Variants in TYW1 observed in about 807,000 individuals in gnomAD.
The protein encoded by TYW1 is tRNA-yW synthesizing protein 1 homolog.
A neutral mutation model predicts 96.2 loss-of-function variants in TYW1; 46 were observed. The observed-to-expected ratio is 0.48, with a 90% CI of 0.38 to 0.61. The LOEUF (loss-of-function observed/expected upper bound fraction) is 0.61. Ranked by LOEUF, TYW1 falls within the 20% of genes least tolerant of loss-of-function variation. The probability of loss-of-function intolerance (pLI) is 0.00; values close to 1 mark genes in which losing one functional copy is unlikely to be tolerated. For missense variants in TYW1, 684 were observed against 909.6 expected, an observed-to-expected ratio of 0.75 and a Z score of 3.19; for synonymous variants, 274 against 323.0, an observed-to-expected ratio of 0.85 and a Z score of 1.63.
intron 6 of TYW1, among the ~76,000 whole-genome samples, chr7:67,024,504 G>A (rs912121885): frequency 9.2e-5 from 14 of 151,992 alleles, no homozygotes; most frequent in Admixed American, 2.0e-4. Context: ...ATAGACAGCC[G>A]AGCACTGTCG....
At chr7:67,191,678 T>A (rs1800223292) in intron 14 of TYW1, among the ~76,000 whole-genome samples, 1 of 149,798 alleles carries the variant, frequency 6.7e-6, no homozygotes, top group African/African-American at 2.5e-5. Flanking sequence ...GAGGGTAGGA[T>A]GAAGTGGGGC....
At chr7:67,108,655 T>C (rs185506592) in intron 12 of TYW1, among the ~76,000 whole-genome samples, 3 of 152,014 alleles carry the variant, frequency 2.0e-5, no homozygotes, top group Admixed American at 2.0e-4. Context: ...TTGGCCAGGC[T>C]GGTCTCGAAC....
intron 7 of TYW1, among the ~76,000 whole-genome samples, chr7:67,040,447 A>T (rs1158072253): frequency 6.6e-6 from 1 of 151,968 alleles, no homozygotes; most frequent in African/African-American, 2.4e-5. Context: ...ATGACTCTTA[A>T]TTAAAAATCT....
chr7:67,133,062 G>T (rs972416966), intron 13 of TYW1, among the ~76,000 whole-genome samples: 1 of 152,182 alleles, frequency 6.6e-6, no homozygotes, highest in African/African-American at 2.4e-5. Flanking sequence ...TGTCCTACGT[G>T]ATTATACTTA....
chr7:67,203,574 C>A (rs1474287054), intron 15 of TYW1, among the ~76,000 whole-genome samples: 3 of 152,302 alleles, frequency 2.0e-5, no homozygotes, highest in East Asian at 3.9e-4. Flanking sequence ...CTTTTCCCTC[C>A]CTTACTTAGA....
At chr7:67,005,099 T>C (rs1010728988) in intron 3 of TYW1, among the ~76,000 whole-genome samples, 1 of 152,080 alleles carries the variant, frequency 6.6e-6, no homozygotes, top group African/African-American at 2.4e-5. Flanking sequence ...GGCCCCAATC[T>C]CTTCTGGATT....
At chr7:67,071,831 A>AG (rs1402732490) in intron 10 of TYW1, among the ~76,000 whole-genome samples, 1 of 152,144 alleles carries the variant, frequency 6.6e-6, no homozygotes, top group Non-Finnish European at 1.5e-5. Flanking sequence ...GGTGTTAGCC[A>AG]GACTGGTCTC....
intron 13 of TYW1, among the ~76,000 whole-genome samples, chr7:67,131,794 G>T (rs1303942768): frequency 6.6e-6 from 1 of 152,190 alleles, no homozygotes; most frequent in Non-Finnish European, 1.5e-5. Context: ...CAAAAGGCCT[G>T]AGAGCCCCTG....
intron 9 of TYW1, among the ~76,000 whole-genome samples, chr7:67,058,117 G>A (rs573959406): frequency 1.4e-4 from 21 of 152,166 alleles, no homozygotes; most frequent in African/African-American, 4.6e-4. Flanking sequence ...TGTATTTTTA[G>A]TAGAGACAGG....
chr7:67,217,393 C>G lies in TYW1; in HGVS notation c.1978-20915C>G, dbSNP rs531598604. ...TTCTAAGAGTCTTATAGTTTTAAGTCTTATGTTTAGGTCTTTGATCCATTT... is the reference window on the plus strand; with the variant it reads ...TTCTAAGAGTCTTATAGTTTTAAGTGTTATGTTTAGGTCTTTGATCCATTT... On this transcript the variant is annotated intron_variant, in intron 15 of 15. Coordinates refer to ENST00000359626, the MANE Select transcript of TYW1 (RefSeq NM_018264.4). 9.2e-5 allele frequency among the ~76,000 whole-genome samples: 14 copies of G among 152,086 alleles called. No homozygotes were observed. The South Asian group carries it at 2.9e-3, about 32-fold the overall frequency.
At chr7:67,136,900 G>T (rs1035493163) in intron 13 of TYW1, among the ~76,000 whole-genome samples, 3 of 151,832 alleles carry the variant, frequency 2.0e-5, no homozygotes, top group Admixed American at 6.6e-5. Context: ...TCGGCTCACC[G>T]CAACCTCTGC....
intron 7 of TYW1, among the ~76,000 whole-genome samples, chr7:67,025,989 C>T (rs1482315009): frequency 6.6e-6 from 1 of 152,090 alleles, no homozygotes; most frequent in Non-Finnish European, 1.5e-5. Context: ...TATTTCCAAA[C>T]AATAGCCAGT....
chr7:67,012,913 A>G (rs1160279721), intron 4 of TYW1, among the ~76,000 whole-genome samples: 1 of 150,424 alleles, frequency 6.6e-6, no homozygotes, highest in African/African-American at 2.5e-5. Context: ...ACCAAAACAG[A>G]AAAAAACCTC....
At chr7:67,097,858 A>ATTT (rs35746199) in intron 11 of TYW1, among the ~76,000 whole-genome samples, 1 of 140,570 alleles carries the variant, frequency 7.1e-6, no homozygotes, top group Non-Finnish European at 1.5e-5. Flanking sequence ...ATGCCCAGCT[A>ATTT]TTTTTTTTTT....
Position 67,236,215 on chromosome 7 carries a change from TGA to T in TYW1, c.1978-2089_1978-2088del, listed in dbSNP as rs142214047. Among the ~76,000 whole-genome samples, 995 of 152,278 alleles carry T rather than the reference TGA, an allele frequency of 6.5e-3. 8 individuals carry two copies. The highest frequency in any genetic ancestry group is 0.022 in the African/African-American group (928 of 41,556). On this transcript the variant is annotated intron_variant, in intron 15 of 15. Coordinates refer to ENST00000359626, the MANE Select transcript of TYW1 (RefSeq NM_018264.4). The stretch of plus-strand genomic sequence containing the variant: ...CAGAGGGAACAGCTTGGGCGTCACG[TGA>T]GAGGACCACAGCTCACCAAGAGATG...
At chr7:67,183,605 G>C (rs781553620) in intron 14 of TYW1, among the ~76,000 whole-genome samples, 3 of 152,124 alleles carry the variant, frequency 2.0e-5, no homozygotes, top group Admixed American at 1.3e-4. Context: ...CGGAAGTAGA[G>C]AGATTGGTCT....
intron 13 of TYW1, among the ~76,000 whole-genome samples, chr7:67,148,031 G>A (rs1479432329): frequency 6.6e-6 from 1 of 151,910 alleles, no homozygotes; most frequent in African/African-American, 2.4e-5. Context: ...TGGTGGAGAT[G>A]GACGGCAGAT....
At chr7:67,035,764 A>G (rs752049273) in intron 7 of TYW1, among the ~76,000 whole-genome samples, 11 of 151,508 alleles carry the variant, frequency 7.3e-5, no homozygotes, top group Non-Finnish European at 1.0e-4. Context: ...TGCAACCTCT[A>G]CCTTCCAGGT....
intron 13 of TYW1, among the ~76,000 whole-genome samples, chr7:67,169,591 G>A (rs919787418): frequency 2.0e-5 from 3 of 152,100 alleles, no homozygotes; most frequent in African/African-American, 4.8e-5. Flanking sequence ...AGTAGAGATG[G>A]AGTTTCACCA....
Sources: gnomAD v4.1 joint callset for allele counts (sites outside exome capture counted in the v4.1 genomes callset) on GRCh38, gnomAD v4.1.1 for gene constraint, MANE v1.5 for transcripts, NCBI Gene and HGNC (gene_info 2026-07-23, HGNC 2026-07-21) for gene names.